The following CAMK4 variants were observed in gnomAD, a reference collection of about 807,000 sequenced individuals.
CAMK4 encodes the protein calcium/calmodulin-dependent protein kinase type IV.
A neutral mutation model predicts 44.9 loss-of-function variants in CAMK4; 22 were observed. The ratio of observed to expected loss-of-function variants is 0.49; its 90% CI spans 0.35 to 0.70. The LOEUF (loss-of-function observed/expected upper bound fraction) is 0.70, where lower values mean the gene tolerates loss of function less well. CAMK4 is among the 30% of genes least tolerant of loss of function. The probability of loss-of-function intolerance (pLI) is 0.01; values close to 1 mark genes in which losing one functional copy is unlikely to be tolerated. For missense variants in CAMK4, 498 were observed against 586.8 expected (o/e 0.85, Z 1.56); for synonymous variants, 218 against 215.4 (o/e 1.01, Z -0.11).
intron 7 of CAMK4, among the ~76,000 whole-genome samples, chr5:111,457,718 T>A (rs1157785367): frequency 6.6e-6 from 1 of 152,170 alleles, no homozygotes; most frequent in Non-Finnish European, 1.5e-5. Flanking sequence ...GAAATACATC[T>A]CATAATCTAA....
At chr5:111,319,942 A>G (rs1748588070) in intron 1 of CAMK4, among the ~76,000 whole-genome samples, 1 of 152,190 alleles carries the variant, frequency 6.6e-6, no homozygotes, top group Non-Finnish European at 1.5e-5. Flanking sequence ...ATAGGCATGT[A>G]TGTGAATCAA....
At chr5:111,299,024 G>C (rs1747608914) in intron 1 of CAMK4, among the ~76,000 whole-genome samples, 1 of 152,234 alleles carries the variant, frequency 6.6e-6, no homozygotes, top group Admixed American at 6.5e-5. Context: ...TCCTAGTAGT[G>C]AGCTGTTGCT....
At chr5:111,389,222 C>T (rs1445759928) in intron 4 of CAMK4, among the ~76,000 whole-genome samples, 1 of 152,044 alleles carries the variant, frequency 6.6e-6, no homozygotes, top group African/African-American at 2.4e-5. Context: ...TCTAGGGTGT[C>T]TTTTATAAAG....
At chr5:111,295,003 G>A (rs560572769) in intron 1 of CAMK4, among the ~76,000 whole-genome samples, 2 of 152,170 alleles carry the variant, frequency 1.3e-5, no homozygotes, top group South Asian at 2.1e-4. Flanking sequence ...ATAAAACATC[G>A]AGAGGCAAAT....
rs1181468591 is a variant in CAMK4, at chr5:111,328,568, G to A, written c.162-15456G>A. Among the ~76,000 whole-genome samples the A allele has an allele frequency of 2.6e-5, 4 of 152,060 alleles. No homozygotes were observed. The South Asian group carries it at 8.3e-4, about 32-fold the overall frequency. ...TGAAGAAAGTCATTGGTAGCTTGATGGGGATGGCATTGAATCTATAAAATA... is the reference window on the plus strand; with the variant it reads ...TGAAGAAAGTCATTGGTAGCTTGATAGGGATGGCATTGAATCTATAAAATA... On this transcript the variant is annotated intron_variant, in intron 1 of 10. Coordinates refer to ENST00000282356, the MANE Select transcript of CAMK4 (RefSeq NM_001744.6).
chr5:111,420,779 C>T (rs1449345204), intron 5 of CAMK4, among the ~76,000 whole-genome samples: 7 of 152,280 alleles, frequency 4.6e-5, no homozygotes, highest in African/African-American at 7.2e-5. Flanking sequence ...GGCTCTGTTC[C>T]GCCCAGCTCA....
At chr5:111,365,007 C>G (rs973903216) in intron 2 of CAMK4, 11 of 152,290 alleles carry the variant, frequency 7.2e-5, no homozygotes, top group Admixed American at 7.2e-4. Context: ...GTGCAGTGAT[C>G]CTTTCCATTC....
At chr5:111,370,496 T>G (rs1286363386) in intron 2 of CAMK4, among the ~76,000 whole-genome samples, 1 of 152,128 alleles carries the variant, frequency 6.6e-6, no homozygotes, top group East Asian at 1.9e-4. Flanking sequence ...AAACCTGTAT[T>G]ACAAAAACCC....
intron 1 of CAMK4, among the ~76,000 whole-genome samples, chr5:111,275,137 C>T (rs911456874): frequency 1.3e-5 from 2 of 152,104 alleles, no homozygotes; most frequent in Admixed American, 1.3e-4. Flanking sequence ...CTTGTGAGAA[C>T]ATTTAAAATC....
At chr5:111,289,101 C>T (rs1027370589) in intron 1 of CAMK4, among the ~76,000 whole-genome samples, 10 of 152,140 alleles carry the variant, frequency 6.6e-5, no homozygotes, top group African/African-American at 2.2e-4. Context: ...AATCCCAGCA[C>T]TTTGGGAGGC....
chr5:111,457,889 C>A, intron 7 of CAMK4, among the ~76,000 whole-genome samples: 1 of 152,320 alleles, frequency 6.6e-6, no homozygotes, highest in African/African-American at 2.4e-5. Flanking sequence ...CCCAAAGTGG[C>A]AACTTCATTT....
In CAMK4 at chr5:111,488,290, C is replaced by G. The variant is rs1755701423; in HGVS notation, c.*3824C>G. 6.6e-6 allele frequency: 1 copy of G among 152,100 alleles called. No individual in the cohort carries two copies. Among genetic ancestry groups the G allele is most frequent in the Non-Finnish European group, 1.5e-5 (1 of 68,012 alleles). 9.4% of individuals were successfully genotyped at this position (152,100 alleles called of 1,614,324 possible). On this transcript the variant is annotated 3_prime_UTR_variant, in exon 11 of 11. Coordinates refer to ENST00000282356, the MANE Select transcript of CAMK4 (RefSeq NM_001744.6). The stretch of plus-strand genomic sequence containing the variant: ...GTTATCCTCAAAGTGGGAATATGAC[C>G]ATTAGCTGGCATTTTTTAAGATTTC...
At chr5:111,338,174 G>A (rs2112739533) in intron 1 of CAMK4, among the ~76,000 whole-genome samples, 1 of 151,068 alleles carries the variant, frequency 6.6e-6, no homozygotes, top group South Asian at 2.1e-4. Context: ...ATACACTGTG[G>A]AATGACTAAA....
intron 1 of CAMK4, among the ~76,000 whole-genome samples, chr5:111,330,986 C>T (rs1164628673): frequency 2.6e-5 from 4 of 151,622 alleles, no homozygotes; most frequent in Non-Finnish European, 4.4e-5. Context: ...ATGTCATATA[C>T]ATAAACATAA....
chr5:111,459,258 A>T (rs115221833), intron 7 of CAMK4, among the ~76,000 whole-genome samples: 2 of 152,194 alleles, frequency 1.3e-5, no homozygotes, highest in African/African-American at 4.8e-5. Context: ...AAGCTCCACA[A>T]GGCAGAAGTA....
rs1158084252 is a variant in CAMK4 at position 111,341,759 on chromosome 5, A to AT, written c.162-2259dup. 4.6e-5 allele frequency among the ~76,000 whole-genome samples: 7 copies of AT among 151,280 alleles called. No homozygotes were observed. In the East Asian group the frequency reaches 1.2e-3, roughly 25 times the overall value. ...TACAATTCATGAGATAGGTACTGTTATTTTTTCCATTTTACAGATAGGAAC... is the reference window on the plus strand; with the variant it reads ...TACAATTCATGAGATAGGTACTGTTATTTTTTTCCATTTTACAGATAGGAAC... On this transcript the variant is annotated intron_variant, in intron 1 of 10. Transcript: ENST00000282356.
At chr5:111,444,444 G>A (rs887416469) in intron 5 of CAMK4, among the ~76,000 whole-genome samples, 1 of 152,116 alleles carries the variant, frequency 6.6e-6, no homozygotes, top group African/African-American at 2.4e-5. Flanking sequence ...ATGCTAAGGT[G>A]GTATCCCCTG....
At chr5:111,432,180 G>T (rs1753472000) in intron 5 of CAMK4, among the ~76,000 whole-genome samples, 1 of 152,084 alleles carries the variant, frequency 6.6e-6, no homozygotes, top group Non-Finnish European at 1.5e-5. Flanking sequence ...GTCATAAAAA[G>T]AATGAGATCC....
chr5:111,383,769 G>A (rs1751500365), intron 4 of CAMK4, among the ~76,000 whole-genome samples: 1 of 151,888 alleles, frequency 6.6e-6, no homozygotes, highest in African/African-American at 2.4e-5. Flanking sequence ...CCAGCCAAGG[G>A]GAGATAATTT....
Sources: gnomAD v4.1 joint callset for allele counts (sites outside exome capture counted in the v4.1 genomes callset) on GRCh38, gnomAD v4.1.1 for gene constraint, MANE v1.5 for transcripts, NCBI Gene and HGNC (gene_info 2026-07-23, HGNC 2026-07-21) for gene names.